The following PI4K2A variants were observed in gnomAD, a reference collection of about 807,000 sequenced individuals.
The protein encoded by PI4K2A is phosphatidylinositol 4-kinase type 2 alpha, also known as phosphatidylinositol 4-kinase type 2-alpha.
PI4K2A carries 20 observed loss-of-function variants against 55.0 expected under a neutral mutation model. That is an observed-to-expected ratio of 0.36 (90% CI 0.26 to 0.53). The LOEUF (loss-of-function observed/expected upper bound fraction) is 0.53. Ranked by LOEUF, PI4K2A falls within the 20% of genes least tolerant of loss-of-function variation. PI4K2A has a pLI of 0.91. For missense variants in PI4K2A, 463 were observed against 637.1 expected (o/e 0.73, Z 2.94); for synonymous variants, 235 against 258.5 (o/e 0.91, Z 0.87).
chr10:97,671,116 A>G (rs1396116508), intron 8 of PI4K2A, among the ~76,000 whole-genome samples: 1 of 151,210 alleles, frequency 6.6e-6, no homozygotes, highest in African/African-American at 2.4e-5. Context: ...CAGCCTGGGC[A>G]AGAAGAGCGA....
chr10:97,653,954 G>A (rs1216693199), intron 2 of PI4K2A, among the ~76,000 whole-genome samples: 2 of 152,154 alleles, frequency 1.3e-5, no homozygotes, highest in Non-Finnish European at 2.9e-5. Context: ...AGACTGAGAT[G>A]AGACAGAACT....
At chr10:97,671,654 T>G (rs569095484) in intron 8 of PI4K2A, among the ~76,000 whole-genome samples, 97 of 152,330 alleles carry the variant, frequency 6.4e-4, no homozygotes, top group Non-Finnish European at 1.0e-3. Flanking sequence ...TTGTTTGTTT[T>G]TTTGAGATGG....
rs775825606 is a variant in PI4K2A at position 97,657,019 on chromosome 10, G to A, written c.922+45G>A. ...CCCATGCCCTGTGCCAGACTGTGTTGAGGCATGGGGAGGCCTGGAGGCTTG... is the reference window on the plus strand; with the variant it reads ...CCCATGCCCTGTGCCAGACTGTGTTAAGGCATGGGGAGGCCTGGAGGCTTG... On this transcript the variant is annotated intron_variant, in intron 4 of 8. Transcript: ENST00000370631. 4 of 1,595,966 alleles carry A rather than the reference G, an allele frequency of 2.5e-6. No homozygotes were observed. In the African/African-American group the frequency reaches 5.4e-5, roughly 21 times the overall value.
At chr10:97,648,092 A>ATTTTTTT (rs11332690) in intron 1 of PI4K2A, among the ~76,000 whole-genome samples, 1 of 120,680 alleles carries the variant, frequency 8.3e-6, no homozygotes, top group Non-Finnish European at 1.7e-5. Flanking sequence ...CACTTAGCTA[A>ATTTTTTT]TTTTTTTTTT....
At chr10:97,664,958 T>G in exon 6 of PI4K2A, 1 of 1,613,112 alleles carries the variant, frequency 6.2e-7, no homozygotes, top group Non-Finnish European at 8.5e-7. Context: ...GCCTTCCCAC[T>G]GAAGCATCCT....
At chr10:97,674,881 T>C (rs1792537348) in exon 9 of PI4K2A, 1 of 152,136 alleles carries the variant, frequency 6.6e-6, no homozygotes, top group Admixed American at 6.6e-5. Context: ...CCGATTTCTC[T>C]ATGGCTTCCC....
intron 8 of PI4K2A, among the ~76,000 whole-genome samples, chr10:97,671,737 TCA>T (rs1474061454): frequency 2.0e-4 from 31 of 152,114 alleles, no homozygotes; most frequent in Non-Finnish European, 4.1e-4. Context: ...CCTCCCGGGT[TCA>T]CGTGATTCTC....
chr10:97,643,452 T>C (rs2041488762), intron 1 of PI4K2A, among the ~76,000 whole-genome samples: 1 of 151,898 alleles, frequency 6.6e-6, no homozygotes, highest in Non-Finnish European at 1.5e-5. Context: ...AGTGAGCTGG[T>C]GCTTTGACAG....
At chr10:97,673,638 A>T in exon 9 of PI4K2A, 1 of 1,614,090 alleles carries the variant, frequency 6.2e-7, no homozygotes, top group South Asian at 1.1e-5. Context: ...CCTCGTCCAG[A>T]TGCCACCTGT....
At chr10:97,661,112 C>T (rs974103815) in intron 4 of PI4K2A, among the ~76,000 whole-genome samples, 4 of 152,156 alleles carry the variant, frequency 2.6e-5, no homozygotes, top group African/African-American at 9.7e-5. Context: ...CTGCCTCAGC[C>T]TCCCGAGTAG....
chr10:97,642,850 C>CTTTCTTTCTTTCT (rs1491531542), intron 1 of PI4K2A, among the ~76,000 whole-genome samples: 1 of 80,344 alleles, frequency 1.2e-5, no homozygotes, highest in Non-Finnish European at 2.7e-5. Context: ...TTCCTTCCTT[C>CTTTCTTTCTTTCT]CTTTCTTTCT....
At position 97,675,987 on chromosome 10, in the gene PI4K2A, A is replaced by G. The variant is rs568482815; in HGVS notation, c.*2245A>G. The stretch of plus-strand genomic sequence containing the variant: ...CCCCCTGTGTCATTCTTCTAATCCA[A>G]TGTAGAAATTGTACGTAATGTATTT... On this transcript the variant is annotated 3_prime_UTR_variant, in exon 9 of 9. Transcript: ENST00000370631. 4 of 152,766 alleles carry G rather than the reference A, an allele frequency of 2.6e-5. No homozygotes were observed. The East Asian group carries it at 5.8e-4, about 22-fold the overall frequency. The allele number at this position is 152,766 out of a possible 1,614,324, so 9.5% of individuals were successfully genotyped here. A position where few individuals can be genotyped will look rare whatever the true frequency, so the allele number is the denominator to read the frequency against.
chr10:97,676,287 C>T (rs1330682867), exon 9 of PI4K2A: 1 of 152,182 alleles, frequency 6.6e-6, no homozygotes, highest in Non-Finnish European at 1.5e-5. Context: ...TGATAGGAAG[C>T]TATGGGTAAT....
In PI4K2A at chr10:97,640,917, C is replaced by T; in HGVS notation, c.175C>T (p.Gln59Ter). The T allele has an allele frequency of 7.6e-7, 1 of 1,312,406 alleles. No individual in the cohort carries two copies. The highest frequency in any genetic ancestry group is 9.7e-7 in the Non-Finnish European group (1 of 1,035,498). 81.3% of individuals were successfully genotyped at this position (1,312,406 alleles called of 1,614,324 possible). A position where few individuals can be genotyped will look rare whatever the true frequency, so the allele number is the denominator to read the frequency against. The change falls in exon 1 of 9, where the codon CAG becomes TAG. Residue 59 changes from glutamine to a stop codon, truncating the protein, a stop_gained. Transcript: ENST00000370631. LOFTEE classifies it high-confidence loss of function. Reference sequence around the variant, plus strand: ...CTCGCCGGGCCACGACCGCGAGCGGCAGCCACTGTTGGATCGGGCCCGGGG... The same window carrying T: ...CTCGCCGGGCCACGACCGCGAGCGGTAGCCACTGTTGGATCGGGCCCGGGG...
At chr10:97,666,060 T>C (rs981053901) in intron 6 of PI4K2A, among the ~76,000 whole-genome samples, 1 of 152,200 alleles carries the variant, frequency 6.6e-6, no homozygotes, top group Non-Finnish European at 1.5e-5. Flanking sequence ...TCCTACCCTG[T>C]TGTAACTGAG....
chr10:97,673,859 C>G, exon 9 of PI4K2A: 3 of 869,086 alleles, frequency 3.5e-6, no homozygotes, highest in South Asian at 1.6e-5. Flanking sequence ...AGCCCTCTCT[C>G]TCTGCTTGCC....
intron 4 of PI4K2A, 98 bp downstream of exon 4, chr10:97,657,072 C>T (rs916667333): frequency 1.5e-5 from 17 of 1,160,260 alleles, no homozygotes; most frequent in Non-Finnish European, 2.0e-5. Context: ...AGTACCTTGT[C>T]CAGACACATC....
exon 9 of PI4K2A, chr10:97,674,934 C>T (rs143121135): frequency 6.5e-6 from 1 of 152,672 alleles, no homozygotes; most frequent in East Asian, 1.9e-4. Context: ...TCAAACTGTC[C>T]CAGGTCCTGC....
Position 97,640,996 on chromosome 10 carries a change from C to T in PI4K2A, c.254C>T (p.Ala85Val), listed in dbSNP as rs1222899305. Reference sequence around the variant, plus strand: ...GTGGCGGCGCAGGCCCAGGCTCTGGCCGCTCAGGCCGCGGCGGCAGCCCAC... The same window carrying T: ...GTGGCGGCGCAGGCCCAGGCTCTGGTCGCTCAGGCCGCGGCGGCAGCCCAC... The change falls in exon 1 of 9, where the codon GCC becomes GTC. Residue 85 changes from alanine (A) to valine (V), a missense_variant. Ala to Val is a moderately conservative substitution (Grantham distance 64). This residue lies in a region of PI4K2A where 186 missense variants were observed against 204.5 expected (regional missense o/e 0.91). Transcript: ENST00000370631. 5.8e-6 allele frequency: 9 copies of T among 1,542,804 alleles called. No homozygotes were observed. The African/African-American group carries it at 6.9e-5, about 12-fold the overall frequency.
Sources: gnomAD v4.1 joint callset for allele counts (sites outside exome capture counted in the v4.1 genomes callset) on GRCh38, gnomAD v4.1.1 for gene constraint, gnomAD v4.1.1 regional missense constraint, MANE v1.5 for transcripts, NCBI Gene and HGNC (gene_info 2026-07-23, HGNC 2026-07-21) for gene names.